ARHGAP15: variants seen among roughly 807,000 people sequenced by gnomAD.
ARHGAP15 encodes Rho GTPase activating protein 15.
A neutral mutation model predicts 63.7 loss-of-function variants in ARHGAP15; 51 were observed. The ratio of observed to expected loss-of-function variants is 0.80; its 90% CI spans 0.64 to 1.01. The LOEUF (loss-of-function observed/expected upper bound fraction) is 1.01, where lower values mean the gene tolerates loss of function less well. ARHGAP15 is among the 50% of genes least tolerant of loss of function. The pLI, the probability that ARHGAP15 is intolerant of heterozygous loss-of-function variation, is 0.00. For synonymous variants in ARHGAP15, 191 were observed against 193.8 expected (o/e 0.99, Z 0.12); for missense variants, 560 against 564.6 (o/e 0.99, Z 0.08).
intron 2 of ARHGAP15, among the ~76,000 whole-genome samples, chr2:143,180,045 A>T (rs1433575789): frequency 6.6e-6 from 1 of 152,142 alleles, no homozygotes; most frequent in Non-Finnish European, 1.5e-5. Flanking sequence ...GTGATTTCTG[A>T]AGGGCAAAGT....
At chr2:143,562,906 C>A (rs575695123) in intron 11 of ARHGAP15, among the ~76,000 whole-genome samples, 1 of 152,318 alleles carries the variant, frequency 6.6e-6, no homozygotes, top group East Asian at 1.9e-4. Context: ...TGAATCCTGA[C>A]AGTCTCCAAG....
In ARHGAP15 at chr2:143,236,213, C is replaced by T. The variant is rs988156970; in HGVS notation, c.384+7545C>T. Reference sequence around the variant, plus strand: ...GTATATGATCCCTGCTCTTAAAGTACTCACAATATGGTAAAAGAGACATAA... The same window carrying T: ...GTATATGATCCCTGCTCTTAAAGTATTCACAATATGGTAAAAGAGACATAA... On this transcript the variant is annotated intron_variant, in intron 5 of 13. Coordinates refer to ENST00000295095, the MANE Select transcript of ARHGAP15 (RefSeq NM_018460.4). The T allele has an allele frequency of 2.7e-5, 10 of 370,176 alleles. No homozygotes were observed. In the East Asian group the frequency reaches 3.0e-4, roughly 11 times the overall value. The allele number at this position is 370,176 out of a possible 1,614,324, so 22.9% of individuals were successfully genotyped here.
At chr2:143,171,618 A>G (rs1296757878) in intron 2 of ARHGAP15, among the ~76,000 whole-genome samples, 1 of 152,130 alleles carries the variant, frequency 6.6e-6, no homozygotes. Flanking sequence ...TGTGTCTAGC[A>G]AAACTATGCT....
intron 8 of ARHGAP15, among the ~76,000 whole-genome samples, chr2:143,460,464 T>A (rs1690882238): frequency 6.6e-6 from 1 of 152,300 alleles, no homozygotes; most frequent in East Asian, 1.9e-4. Flanking sequence ...ATCTAGACAC[T>A]GAAAACATAA....
chr2:143,314,391 G>C (rs1683599085), intron 6 of ARHGAP15: 2 of 152,152 alleles, frequency 1.3e-5, no homozygotes, highest in African/African-American at 4.8e-5. Context: ...CACTGTACCA[G>C]GGCAAGCACA....
intron 11 of ARHGAP15, among the ~76,000 whole-genome samples, chr2:143,570,845 T>C (rs1696417878): frequency 6.6e-6 from 1 of 152,162 alleles, no homozygotes; most frequent in Non-Finnish European, 1.5e-5. Context: ...AGAATAGAAT[T>C]TACAGAACAT....
chr2:143,760,345 C>T (rs1686718540), intron 13 of ARHGAP15, among the ~76,000 whole-genome samples: 1 of 152,104 alleles, frequency 6.6e-6, no homozygotes, highest in African/African-American at 2.4e-5. Flanking sequence ...TAGTAACAAA[C>T]AGTAACTACT....
intron 6 of ARHGAP15, among the ~76,000 whole-genome samples, chr2:143,421,243 A>T (rs1688904558): frequency 6.6e-6 from 1 of 152,186 alleles, no homozygotes; most frequent in Non-Finnish European, 1.5e-5. Context: ...TTCAAATGGC[A>T]GGAAAGGACT....
At chr2:143,303,753 A>G (rs182525666) in intron 6 of ARHGAP15, among the ~76,000 whole-genome samples, 1 of 152,250 alleles carries the variant, frequency 6.6e-6, no homozygotes, top group Admixed American at 6.5e-5. Flanking sequence ...AAGAACTCAA[A>G]CAAATTTACA....
At chr2:143,753,768 A>C (rs1004553157) in intron 13 of ARHGAP15, among the ~76,000 whole-genome samples, 3 of 152,210 alleles carry the variant, frequency 2.0e-5, no homozygotes, top group Non-Finnish European at 4.4e-5. Context: ...CATAGCATAA[A>C]ACAGATAAAA....
chr2:143,254,384 T>C (rs1680312715), intron 6 of ARHGAP15, among the ~76,000 whole-genome samples: 1 of 151,162 alleles, frequency 6.6e-6, no homozygotes, highest in Non-Finnish European at 1.5e-5. Flanking sequence ...ACTGAGAAAA[T>C]GGCTGCAAAA....
At chr2:143,660,415 C>G (rs951836472) in intron 12 of ARHGAP15, among the ~76,000 whole-genome samples, 1 of 152,264 alleles carries the variant, frequency 6.6e-6, no homozygotes, top group East Asian at 1.9e-4. Flanking sequence ...AATTTGGGAA[C>G]CAACAAAGGG....
intron 4 of ARHGAP15, among the ~76,000 whole-genome samples, chr2:143,227,530 A>C (rs1017063406): frequency 2.6e-5 from 4 of 152,200 alleles, no homozygotes; most frequent in African/African-American, 9.6e-5. Flanking sequence ...CATGGAAGGC[A>C]CATATGACAA....
intron 6 of ARHGAP15, among the ~76,000 whole-genome samples, chr2:143,331,396 ATACAT>A (rs1435237318): frequency 3.9e-5 from 6 of 152,098 alleles, no homozygotes; most frequent in Non-Finnish European, 8.8e-5. Flanking sequence ...GTACTTAACT[ATACAT>A]ATTTGTTTAT....
At chr2:143,326,789 A>G (rs746541441) in intron 6 of ARHGAP15, among the ~76,000 whole-genome samples, 8 of 152,206 alleles carry the variant, frequency 5.3e-5, no homozygotes, top group Non-Finnish European at 8.8e-5. Flanking sequence ...ATTTATGACA[A>G]GCCCACAGCC....
chr2:143,439,344 A>G (rs1349024164), intron 8 of ARHGAP15, among the ~76,000 whole-genome samples: 3 of 140,614 alleles, frequency 2.1e-5, no homozygotes, highest in Non-Finnish European at 3.0e-5. Flanking sequence ...AATTGCTTCA[A>G]CCCGGGAGGC....
chr2:143,762,078 G>A (rs544120053), intron 13 of ARHGAP15, among the ~76,000 whole-genome samples: 3 of 152,120 alleles, frequency 2.0e-5, no homozygotes, highest in Non-Finnish European at 4.4e-5. Flanking sequence ...AAGAATTGCA[G>A]TTTGGGGCCT....
At chr2:143,555,365 A>G (rs1695740624) in intron 10 of ARHGAP15, among the ~76,000 whole-genome samples, 1 of 152,180 alleles carries the variant, frequency 6.6e-6, no homozygotes, top group Non-Finnish European at 1.5e-5. Flanking sequence ...CCATGATGCT[A>G]TACCACCTCC....
intron 6 of ARHGAP15, among the ~76,000 whole-genome samples, chr2:143,334,438 CAT>C (rs566651056): frequency 1.2e-4 from 18 of 152,310 alleles, no homozygotes; most frequent in South Asian, 8.3e-4. Flanking sequence ...GTTGCACACA[CAT>C]ATGTGTCCAT....
Sources: gnomAD v4.1 joint callset for allele counts (sites outside exome capture counted in the v4.1 genomes callset) on GRCh38, gnomAD v4.1.1 for gene constraint, MANE v1.5 for transcripts, NCBI Gene and HGNC (gene_info 2026-07-23, HGNC 2026-07-21) for gene names.